The following CXCL13 variants were observed in gnomAD, a reference collection of about 807,000 sequenced individuals.
The protein encoded by CXCL13 is C-X-C motif chemokine 13.
In CXCL13, 7 loss-of-function variants were observed where a neutral mutation model predicts 12.2. The observed-to-expected ratio is 0.57, with a 90% CI of 0.33 to 1.07. The LOEUF is 1.07. Among genes scored for constraint, CXCL13 ranks in the 50% least tolerant of loss-of-function variants. The probability of loss-of-function intolerance (pLI) is 0.04; values close to 1 mark genes in which losing one functional copy is unlikely to be tolerated. For synonymous variants in CXCL13, 47 were observed against 42.4 expected, an observed-to-expected ratio of 1.11 and a Z score of -0.42; for missense variants, 113 against 127.4, an observed-to-expected ratio of 0.89 and a Z score of 0.55.
intron 1 of CXCL13, among the ~76,000 whole-genome samples, chr4:77,565,795 A>G (rs1466400997): frequency 2.0e-5 from 3 of 152,228 alleles, no homozygotes; most frequent in African/African-American, 4.8e-5. Flanking sequence ...AAGTGCAGAC[A>G]GCTGAAGGAC....
chr4:77,545,741 C>A (rs1362452579), intron 1 of CXCL13, among the ~76,000 whole-genome samples: 1 of 152,192 alleles, frequency 6.6e-6, no homozygotes, highest in Non-Finnish European at 1.5e-5. Context: ...CCCTTTATTT[C>A]TTTCTCCTGC....
At chr4:77,549,211 G>T (rs182595048) in intron 1 of CXCL13, among the ~76,000 whole-genome samples, 1 of 152,244 alleles carries the variant, frequency 6.6e-6, no homozygotes, top group East Asian at 1.9e-4. Context: ...TCTTCTCTAT[G>T]CTGCTTATCC....
intron 1 of CXCL13, among the ~76,000 whole-genome samples, chr4:77,579,637 G>A (rs1293461524): frequency 6.6e-6 from 1 of 151,968 alleles, no homozygotes; most frequent in Non-Finnish European, 1.5e-5. Context: ...GTGTCTCCCT[G>A]GCATGCTGTT....
intron 1 of CXCL13, among the ~76,000 whole-genome samples, chr4:77,566,303 G>T (rs1045862897): frequency 6.6e-6 from 1 of 152,158 alleles, no homozygotes; most frequent in Admixed American, 6.5e-5. Context: ...CCTACCTCTT[G>T]TTTACCAGTT....
Position 77,520,117 on chromosome 4 carries a change from G to A in CXCL13, c.-43+8329G>A, listed in dbSNP as rs529141844. 6.6e-5 allele frequency among the ~76,000 whole-genome samples: 10 copies of A among 152,278 alleles called. No individual in the cohort carries two copies. The South Asian group carries it at 1.9e-3, about 28-fold the overall frequency. ...GTACCATGCTGTTTTGGATACTGTA[G>A]CCTTGTAGTATAGTTTGAGGTCAGG... On this transcript the variant is annotated intron_variant, in intron 1 of 4. Transcript: ENST00000286758.
chr4:77,515,447 G>A (rs1003736354), intron 1 of CXCL13, among the ~76,000 whole-genome samples: 9 of 152,062 alleles, frequency 5.9e-5, no homozygotes, highest in Non-Finnish European at 1.3e-4. Context: ...GAGCATGGAA[G>A]GTTCTTTCAT....
intron 1 of CXCL13, among the ~76,000 whole-genome samples, chr4:77,587,996 G>T (rs919280458): frequency 1.3e-5 from 2 of 152,210 alleles, no homozygotes; most frequent in African/African-American, 4.8e-5. Flanking sequence ...TTCAAGGGAT[G>T]CAGGTTCCCA....
intron 1 of CXCL13, among the ~76,000 whole-genome samples, chr4:77,571,740 C>T (rs987189819): frequency 9.2e-5 from 14 of 151,756 alleles, no homozygotes; most frequent in Non-Finnish European, 1.3e-4. Flanking sequence ...AGTGGCAACC[C>T]GCTCCAGTCC....
At position 77,605,936 on chromosome 4, in the gene CXCL13, A is replaced by G. The variant is rs1469708740; in HGVS notation, c.64+7A>G. 26 of 1,581,202 alleles carry G rather than the reference A, an allele frequency of 1.6e-5. 1 individual carries two copies. The highest frequency in any genetic ancestry group is 1.7e-4 in the Middle Eastern group (1 of 5,996). ...AGCCTCTCTCCAGTCCAAGGTGAGAAATTTCATTTACATTTCACTGTTTGT... is the reference window on the plus strand; with the variant it reads ...AGCCTCTCTCCAGTCCAAGGTGAGAGATTTCATTTACATTTCACTGTTTGT... On this transcript the variant is annotated splice_region_variant and intron_variant, in intron 1 of 3. Transcript: ENST00000682537.
intron 1 of CXCL13, among the ~76,000 whole-genome samples, chr4:77,588,513 TG>T (rs1432215373): frequency 2.0e-5 from 3 of 152,238 alleles, no homozygotes; most frequent in Non-Finnish European, 4.4e-5. Context: ...TGACAATGCT[TG>T]GAGCCTGCTA....
chr4:77,548,113 CA>C (rs1725418459), intron 1 of CXCL13, among the ~76,000 whole-genome samples: 1 of 152,076 alleles, frequency 6.6e-6, no homozygotes, highest in Non-Finnish European at 1.5e-5. Context: ...AACAGGCCAG[CA>C]GAAGTCCAAA....
chr4:77,533,395 G>A (rs964873841), intron 1 of CXCL13, among the ~76,000 whole-genome samples: 3 of 152,224 alleles, frequency 2.0e-5, no homozygotes, highest in African/African-American at 7.2e-5. Flanking sequence ...TCCTCTGGAA[G>A]TTTTGTCTCA....
At chr4:77,542,567 C>G (rs1190562037) in intron 1 of CXCL13, among the ~76,000 whole-genome samples, 1 of 152,092 alleles carries the variant, frequency 6.6e-6, no homozygotes, top group Non-Finnish European at 1.5e-5. Flanking sequence ...ATCTCCAATA[C>G]TGGGGATTAC....
intron 1 of CXCL13, among the ~76,000 whole-genome samples, chr4:77,516,644 A>G (rs867763364): frequency 2.4e-4 from 37 of 152,160 alleles, no homozygotes; most frequent in East Asian, 1.2e-3. Context: ...CTGTGGGATC[A>G]GTGGTGATAT....
intron 1 of CXCL13, among the ~76,000 whole-genome samples, chr4:77,552,957 G>A: frequency 6.6e-6 from 1 of 152,196 alleles, no homozygotes; most frequent in Non-Finnish European, 1.5e-5. Flanking sequence ...AGGCCCCGCT[G>A]CACCACCATC....
rs143809372 is a variant in CXCL13, at chr4:77,554,938, G to C, written c.-43+43150G>C. Among the ~76,000 whole-genome samples, 1,412 of 151,866 alleles carry C rather than the reference G, an allele frequency of 9.3e-3. 18 individuals are homozygous for C. The highest frequency in any genetic ancestry group is 0.032 in the African/African-American group (1,325 of 41,462). On this transcript the variant is annotated intron_variant, in intron 1 of 4. Transcript: ENST00000286758. ...AGGATACAGCTGAAGCAGTGATTGG[G>C]GGAAATTTAGAGCTTTAAATGCTTA...
At chr4:77,517,414 G>T (rs1422101200) in intron 1 of CXCL13, among the ~76,000 whole-genome samples, 1 of 152,120 alleles carries the variant, frequency 6.6e-6, no homozygotes, top group Non-Finnish European at 1.5e-5. Flanking sequence ...GGGTGTTAAA[G>T]TCTCCCATTA....
rs1213647795 is a variant in CXCL13, at chr4:77,611,513, T to C, written c.*474T>C. ...CTGTCAAGAGGCAAAGGAATCCATG[T>C]AGTAGATATCCTCTGCTTAAAAACT... On this transcript the variant is annotated 3_prime_UTR_variant, in exon 4 of 4. Transcript: ENST00000682537. The C allele has an allele frequency of 2.5e-6, 1 of 395,646 alleles. No individual in the cohort carries two copies. Among genetic ancestry groups the C allele is most frequent in the Non-Finnish European group, 4.4e-6 (1 of 224,982 alleles). 24.5% of individuals were successfully genotyped at this position (395,646 alleles called of 1,614,324 possible).
intron 1 of CXCL13, among the ~76,000 whole-genome samples, chr4:77,517,787 G>C (rs1384473029): frequency 6.6e-6 from 1 of 152,118 alleles, no homozygotes; most frequent in Admixed American, 6.5e-5. Context: ...TCTTTTAATT[G>C]GAGCATTGAG....
Sources: allele counts gnomAD v4.1 joint callset (sites outside exome capture counted in the v4.1 genomes callset), GRCh38; gene constraint gnomAD v4.1.1; transcripts MANE v1.5; gene names NCBI Gene and HGNC (gene_info 2026-07-23, HGNC 2026-07-21).